The following DDX60L variants were observed in gnomAD, a reference collection of about 807,000 sequenced individuals.
DDX60L encodes DExD/H-box 60 like, also known as probable ATP-dependent RNA helicase DDX60-like.
DDX60L carries 191 observed loss-of-function variants against 211.6 expected under a neutral mutation model. The observed-to-expected ratio is 0.90, with a 90% CI of 0.80 to 1.02. DDX60L has a LOEUF of 1.02. Ranked by LOEUF, DDX60L falls within the 50% of genes least tolerant of loss-of-function variation. The pLI is 0.00. For missense variants in DDX60L, 2,007 were observed against 1,984.1 expected (o/e 1.01, Z -0.22); for synonymous variants, 706 against 694.1 (o/e 1.02, Z -0.27).
chr4:168,473,506 T>G (rs1411143237), intron 1 of DDX60L, among the ~76,000 whole-genome samples: 1 of 152,126 alleles, frequency 6.6e-6, no homozygotes, highest in Non-Finnish European at 1.5e-5. Context: ...AGTTTGGCAA[T>G]AGATTCCACA....
chr4:168,462,744 C>T (rs1036150662), intron 4 of DDX60L, among the ~76,000 whole-genome samples: 2 of 151,896 alleles, frequency 1.3e-5, no homozygotes, highest in African/African-American at 2.4e-5. Context: ...ACCAGGGAGG[C>T]GGAGGTTGCA....
rs557480851 is a variant in DDX60L at position 168,442,143 on chromosome 4, C to T, written c.1139-651G>A. ...GACAGTGGGCACAGGTCAGTGGGTG[C>T]GCGCACCGTGTGCGAGCCGAAGCAG... is the stretch of plus-strand genomic sequence containing the variant. On this transcript the variant is annotated intron_variant, in intron 9 of 37. Coordinates refer to ENST00000682922, the MANE Select transcript of DDX60L (RefSeq NM_001012967.3). Among the ~76,000 whole-genome samples the T allele has an allele frequency of 1.4e-4, 22 of 152,120 alleles. No homozygotes were observed. In the South Asian group the frequency reaches 2.3e-3, roughly 16 times the overall value.
chr4:168,467,445 C>CAAAAAAAAAAAA (rs199648164), intron 4 of DDX60L, among the ~76,000 whole-genome samples: 5 of 109,096 alleles, frequency 4.6e-5, no homozygotes, highest in South Asian at 3.1e-4. Context: ...GTTTCCATTC[C>CAAAAAAAAAAAA]AAAAAAAAAA....
intron 9 of DDX60L, among the ~76,000 whole-genome samples, chr4:168,442,721 T>C (rs1444135321): frequency 1.3e-5 from 2 of 151,526 alleles, no homozygotes; most frequent in Non-Finnish European, 2.9e-5. Context: ...CCCTGACCCC[T>C]GACCCCCGAG....
At chr4:168,366,422 C>T (rs1343881442) in intron 36 of DDX60L, among the ~76,000 whole-genome samples, 1 of 151,288 alleles carries the variant, frequency 6.6e-6, no homozygotes, top group Admixed American at 6.6e-5. Flanking sequence ...AATAAATAAA[C>T]AAGAAGGTAA....
rs773286933 is a variant in DDX60L at position 168,461,772 on chromosome 4, T to C, written c.533A>G (p.His178Arg). The C allele has an allele frequency of 1.7e-5, 27 of 1,603,826 alleles. No individual in the cohort carries two copies. In the Admixed American group the frequency reaches 2.4e-4, roughly 14 times the overall value. The change falls in exon 5 of 38, where the codon CAT (histidine) becomes CGT (arginine). Residue 178 changes from histidine to arginine, a missense_variant. Coordinates refer to ENST00000682922, the MANE Select transcript of DDX60L (RefSeq NM_001012967.3). ...MKVNVVLSSG[H>R]ESDTLRFYAY... The stretch of plus-strand genomic sequence containing the variant: ...ATAAAATCTGAGAGTATCAGATTCA[T>C]GCCCTGATGAAAGCACAACATTGAC...
chr4:168,423,617 A>T lies in DDX60L; in HGVS notation c.2088T>A (p.Asp696Glu). The T allele has an allele frequency of 6.4e-7, 1 of 1,567,764 alleles. No individual in the cohort carries two copies. Among genetic ancestry groups the T allele is most frequent in the African/African-American group, 1.4e-5 (1 of 72,566 alleles). Reference sequence around the variant, plus strand: ...ATTCTAGTTCTCTTACCAGAGTTGGATCCAAAGAGTTTGCCAGATCATTAA... The same window carrying T: ...ATTCTAGTTCTCTTACCAGAGTTGGTTCCAAAGAGTTTGCCAGATCATTAA... The part of the protein sequence containing the change: ...LGFNDLANSL[D>E]PTLIGDDKNK... The change falls in exon 15 of 38, where the codon GAT (aspartate) becomes GAA (glutamate). Residue 696 changes from aspartate (D) to glutamate (E), a missense_variant. By Grantham distance (45) the Asp-to-Glu change is conservative. Transcript: ENST00000682922.
At chr4:168,420,462 AT>A in intron 17 of DDX60L, 82 bp from the exon 18 acceptor site, 2 of 262,208 alleles carry the variant, frequency 7.6e-6, no homozygotes, top group Non-Finnish European at 6.0e-6. Flanking sequence ...ATCCATACAC[AT>A]ACACACACAC....
Position 168,403,997 on chromosome 4 carries a change from G to A in DDX60L, c.3323C>T (p.Pro1108Leu), listed in dbSNP as rs1747302551. Residue 1108 changes from proline to leucine, a missense_variant, in exon 25 of 38, where the codon CCT becomes CTT. Physicochemically the swap from Pro to Leu is moderately conservative, Grantham distance 98 (BLOSUM62 -3). Transcript: ENST00000682922. The part of the protein sequence containing the change: ...VEKLRQMDKL[P>L]AIFFLFKNDD... Reference sequence around the variant, plus strand: ...AGTTACTTACAAAAAAAATATTGCAGGCAACTTATCCATTTGTCTTAACTT... The same window carrying A: ...AGTTACTTACAAAAAAAATATTGCAAGCAACTTATCCATTTGTCTTAACTT... The A allele has an allele frequency of 6.8e-7, 1 of 1,464,008 alleles. No individual in the cohort carries two copies. The highest frequency in any genetic ancestry group is 9.2e-7 in the Non-Finnish European group (1 of 1,092,234). The allele number at this position is 1,464,008 out of a possible 1,614,324, so 90.7% of individuals were successfully genotyped here. A position where few individuals can be genotyped will look rare whatever the true frequency, so the allele number is the denominator to read the frequency against.
At chr4:168,458,112 T>C (rs1561116726) in intron 5 of DDX60L, 104 bp from the exon 6 acceptor site, 3 of 615,834 alleles carry the variant, frequency 4.9e-6, no homozygotes, top group Non-Finnish European at 5.4e-6. Flanking sequence ...AGATATTATC[T>C]CATGCTGGTC....
intron 17 of DDX60L, 106 bp downstream of exon 17, chr4:168,421,654 C>CAAAAAAAAAAAAAAAAAA: frequency 1.4e-6 from 2 of 1,470,354 alleles, no homozygotes; most frequent in Non-Finnish European, 1.8e-6. Context: ...GACTCTGTCT[C>CAAAAAAAAAAAAAAAAAA]AAAAATAAAA....
chr4:168,379,058 A>G (rs542292547), intron 32 of DDX60L, among the ~76,000 whole-genome samples: 45 of 152,338 alleles, frequency 3.0e-4, no homozygotes, highest in African/African-American at 1.1e-3. Flanking sequence ...TGGGCTCTGA[A>G]GCATACTAAA....
intron 4 of DDX60L, among the ~76,000 whole-genome samples, chr4:168,463,559 A>G (rs1417528911): frequency 1.3e-5 from 2 of 152,278 alleles, no homozygotes; most frequent in South Asian, 4.1e-4. Context: ...GCTTACCTAC[A>G]TAACAAACCT....
chr4:168,431,120 C>T (rs566303149), intron 12 of DDX60L, among the ~76,000 whole-genome samples: 1 of 152,226 alleles, frequency 6.6e-6, no homozygotes, highest in South Asian at 2.1e-4. Context: ...ATTCTGTTTG[C>T]ACTCCTAAAA....
At chr4:168,406,750 C>T in intron 22 of DDX60L, 44 bp from the exon 23 acceptor site, 2 of 1,307,838 alleles carry the variant, frequency 1.5e-6, no homozygotes, top group African/African-American at 1.5e-5. Context: ...AATAAAATTA[C>T]AATGTTTATA....
intron 9 of DDX60L, among the ~76,000 whole-genome samples, chr4:168,441,876 T>C (rs1227156812): frequency 1.3e-5 from 2 of 152,154 alleles, no homozygotes; most frequent in African/African-American, 4.8e-5. Context: ...TTAAATAATG[T>C]GAATGATAAA....
At chr4:168,422,404 G>T in intron 16 of DDX60L, 120 bp downstream of exon 16, 1 of 925,220 alleles carries the variant, frequency 1.1e-6, no homozygotes, top group East Asian at 2.7e-5. Flanking sequence ...TCCAGGCACA[G>T]TAGAGGAAAG....
intron 19 of DDX60L, among the ~76,000 whole-genome samples, chr4:168,417,193 C>T (rs1046735267): frequency 1.3e-5 from 2 of 152,062 alleles, no homozygotes; most frequent in Admixed American, 6.6e-5. Context: ...GGCTACATAC[C>T]TAATTAAATC....
chr4:168,421,029 G>C (rs1210243066), intron 17 of DDX60L, among the ~76,000 whole-genome samples: 1 of 152,056 alleles, frequency 6.6e-6, no homozygotes, highest in African/African-American at 2.4e-5. Context: ...AGATTTTTCT[G>C]TTGACCTATA....
Sources: allele counts gnomAD v4.1 joint callset (sites outside exome capture counted in the v4.1 genomes callset), GRCh38; gene constraint gnomAD v4.1.1; transcripts MANE v1.5; gene names NCBI Gene and HGNC (gene_info 2026-07-23, HGNC 2026-07-21).